LRP2: variants seen among roughly 807,000 people sequenced by gnomAD.
LRP2 encodes LDL receptor related protein 2.
Under a neutral mutation model 531.0 loss-of-function variants are expected in LRP2, and 172 were observed. The ratio of observed to expected loss-of-function variants is 0.32; its 90% CI spans 0.29 to 0.37. The LOEUF is 0.37. Among genes scored for constraint, LRP2 ranks in the 10% least tolerant of loss-of-function variants. The pLI is 1.00. For missense variants in LRP2, 5,167 were observed against 5,868.3 expected (o/e 0.88, Z 3.90); for synonymous variants, 1,992 against 2,027.6 (o/e 0.98, Z 0.47).
chr2:169,167,058 G>A (rs1686813175), intron 61 of LRP2, among the ~76,000 whole-genome samples: 1 of 152,174 alleles, frequency 6.6e-6, no homozygotes, highest in African/African-American at 2.4e-5. Context: ...TTATAAAACA[G>A]TATTGGAAAC....
Position 169,242,943 on chromosome 2 carries a change from A to G in LRP2, c.3667+13T>C, listed in dbSNP as rs116697309. The G allele has an allele frequency of 3.6e-5, 57 of 1,579,294 alleles. No individual in the cohort carries two copies. Among genetic ancestry groups the G allele is most frequent in the Non-Finnish European group, 4.9e-5 (56 of 1,148,898 alleles). ...CCCCTTTGTCTGAAACATTCTGGGT[A>G]TGTGTTACTTACGACAGCCTGCTTC... On this transcript the variant is annotated intron_variant, in intron 24 of 78. Coordinates refer to ENST00000649046, the MANE Select transcript of LRP2 (RefSeq NM_004525.3).
intron 24 of LRP2, among the ~76,000 whole-genome samples, chr2:169,242,151 A>T (rs1207336544): frequency 6.6e-6 from 1 of 151,708 alleles, no homozygotes; most frequent in Non-Finnish European, 1.5e-5. Flanking sequence ...TTTACACACT[A>T]CCTTTCTGAC....
rs751704080 is a variant in LRP2 at position 169,156,423 on chromosome 2, C to A, written c.12020-18G>T. ...ATTGATATCTGTAGGCAAAATAAAACCAAATACGCAACATCTGTTCCCATC... is the reference window on the plus strand; with the variant it reads ...ATTGATATCTGTAGGCAAAATAAAAACAAATACGCAACATCTGTTCCCATC... On this transcript the variant is annotated intron_variant, in intron 64 of 78. Transcript: ENST00000649046. 6.2e-7 allele frequency: 1 copy of A among 1,613,042 alleles called. No homozygotes were observed. The highest frequency in any genetic ancestry group is 1.7e-5 in the Admixed American group (1 of 59,948).
chr2:169,142,589 C>T (rs766490347), intron 71 of LRP2, 85 bp downstream of exon 71: 263 of 1,584,792 alleles, frequency 1.7e-4, no homozygotes, highest in Non-Finnish European at 2.1e-4. Context: ...CTGCAAAGGA[C>T]CCAGCATACA....
rs570605604 is a variant in LRP2, at chr2:169,357,238, C to G, written c.79+5083G>C. On this transcript the variant is annotated intron_variant, in intron 1 of 78. Transcript: ENST00000649046. ...ACCCCTTTCCTATCCATTCAACACT[C>G]TTTCATAAGCACCTTCTACTTTCTT... Among the ~76,000 whole-genome samples, 5 of 150,736 alleles carry G rather than the reference C, an allele frequency of 3.3e-5. No individual in the cohort carries two copies. In the South Asian group the frequency reaches 1.0e-3, roughly 32 times the overall value.
chr2:169,346,045 C>T (rs1245328842), intron 1 of LRP2, among the ~76,000 whole-genome samples: 1 of 152,204 alleles, frequency 6.6e-6, no homozygotes, highest in Non-Finnish European at 1.5e-5. Flanking sequence ...TCCCTTTCTC[C>T]TTCCTTCAAT....
At position 169,310,434 on chromosome 2, in the gene LRP2, C is replaced by T. The variant is rs1481658130; in HGVS notation, c.311-3037G>A. 2.0e-5 allele frequency among the ~76,000 whole-genome samples: 3 copies of T among 152,126 alleles called. No individual in the cohort carries two copies. The East Asian group carries it at 5.8e-4, about 29-fold the overall frequency. The stretch of plus-strand genomic sequence containing the variant: ...AAGGGCTGTTGAATTTTGTCAAAGG[C>T]CTTTTCTGCGTCTATTGAGATAATC... On this transcript the variant is annotated intron_variant, in intron 3 of 78. Transcript: ENST00000649046.
Position 169,146,823 on chromosome 2 carries a change from G to A in LRP2, c.12727C>T (p.Arg4243Ter). 3.1e-6 allele frequency: 5 copies of A among 1,614,030 alleles called. No individual in the cohort carries two copies. Among genetic ancestry groups the A allele is most frequent in the Non-Finnish European group, 3.4e-6 (4 of 1,180,002 alleles). The change falls in exon 69 of 79, where the codon CGA becomes TGA. Residue 4243 changes from arginine to a stop codon, truncating the protein, a stop_gained. Coordinates refer to ENST00000649046, the MANE Select transcript of LRP2 (RefSeq NM_004525.3). LOFTEE classifies it high-confidence loss of function. The part of the protein sequence containing the change: ...GLSIDYLNND[R>*]IYWSDFKEDV... ...TCCTTGAAGTCACTCCAGTAGATTC[G>A]GTCATTGTTCAAATAATCGATAGAA...
At chr2:169,275,388 T>C (rs1004298664) in intron 13 of LRP2, 150 bp from the exon 14 acceptor site, 2 of 674,006 alleles carry the variant, frequency 3.0e-6, no homozygotes, top group Non-Finnish European at 5.2e-6. Flanking sequence ...TTTAGATGTA[T>C]ACATATTTCC....
chr2:169,233,285 G>C, intron 30 of LRP2, 126 bp downstream of exon 30: 1 of 1,034,262 alleles, frequency 9.7e-7, no homozygotes, highest in Non-Finnish European at 1.5e-6. Flanking sequence ...TAGTGGGGTG[G>C]TTTGTAAAGA....
intron 36 of LRP2, 75 bp downstream of exon 36, chr2:169,213,582 G>A (rs1050334594): frequency 2.9e-5 from 33 of 1,140,534 alleles, no homozygotes; most frequent in Non-Finnish European, 4.3e-5. Context: ...GTGTGTGGGT[G>A]TGTGCTTACA....
intron 4 of LRP2, among the ~76,000 whole-genome samples, chr2:169,299,087 GA>G (rs1315139038): frequency 0.012 from 20 of 1,682 alleles, no homozygotes; most frequent in African/African-American, 0.023. Flanking sequence ...AAGAAAGAAG[GA>G]AAGAAAGAAA....
intron 1 of LRP2, among the ~76,000 whole-genome samples, chr2:169,330,163 C>T (rs537917771): frequency 4.6e-5 from 7 of 152,344 alleles, no homozygotes; most frequent in Admixed American, 1.3e-4. Context: ...GCTTGGGGAC[C>T]GCTGCCTTAG....
intron 1 of LRP2, among the ~76,000 whole-genome samples, chr2:169,339,370 C>G (rs1685502920): frequency 6.6e-6 from 1 of 152,058 alleles, no homozygotes; most frequent in South Asian, 2.1e-4. Context: ...CAAAGTAAAA[C>G]TGAACTAGAA....
chr2:169,272,555 A>T (rs1412867818), intron 15 of LRP2, among the ~76,000 whole-genome samples: 1 of 152,178 alleles, frequency 6.6e-6, no homozygotes, highest in African/African-American at 2.4e-5. Context: ...TAAGGCTAAC[A>T]TCTAAAGTGG....
chr2:169,169,301 C>T (rs1288910881), intron 60 of LRP2, among the ~76,000 whole-genome samples: 2 of 152,300 alleles, frequency 1.3e-5, no homozygotes, highest in African/African-American at 2.4e-5. Flanking sequence ...TATACTCCAT[C>T]GTGTGACTGA....
chr2:169,223,025 T>C (rs1411969516), intron 33 of LRP2, among the ~76,000 whole-genome samples: 1 of 152,192 alleles, frequency 6.6e-6, no homozygotes, highest in Non-Finnish European at 1.5e-5. Flanking sequence ...ATCTCACAGA[T>C]ATGTGAGCTA....
At chr2:169,258,091 T>C (rs1190274087) in intron 17 of LRP2, among the ~76,000 whole-genome samples, 14 of 152,136 alleles carry the variant, frequency 9.2e-5, no homozygotes, top group African/African-American at 2.4e-4. Flanking sequence ...TTATCAATAA[T>C]AACATCAGTT....
rs767088692 is a variant in LRP2, at chr2:169,176,447, C to G, written c.10535G>C (p.Cys3512Ser). Residue 3512 changes from cysteine (C) to serine (S), a missense_variant, in exon 54 of 79, where the codon TGC becomes TCC. Physicochemically the swap from Cys to Ser is moderately radical, Grantham distance 112. Coordinates refer to ENST00000649046, the MANE Select transcript of LRP2 (RefSeq NM_004525.3). ...LSGSTYCMPM[C>S]SSTQFLCANN... Reference sequence around the variant, plus strand: ...AGCGCACAGGAACTGGGTGCTGGAGCACATGGGCATGCAGTAGGTGCTGCC... The same window carrying G: ...AGCGCACAGGAACTGGGTGCTGGAGGACATGGGCATGCAGTAGGTGCTGCC... 1.2e-6 allele frequency: 2 copies of G among 1,614,168 alleles called. No individual in the cohort carries two copies. Among genetic ancestry groups the G allele is most frequent in the South Asian group, 2.2e-5 (2 of 91,076 alleles).
Sources: gnomAD v4.1 joint callset for allele counts (sites outside exome capture counted in the v4.1 genomes callset) on GRCh38, gnomAD v4.1.1 for gene constraint, MANE v1.5 for transcripts, NCBI Gene and HGNC (gene_info 2026-07-23, HGNC 2026-07-21) for gene names.